Variants in PLD5 observed in about 807,000 individuals in gnomAD.
PLD5 encodes the protein inactive phospholipase D5.
PLD5 carries 36 observed loss-of-function variants against 61.1 expected under a neutral mutation model. The ratio of observed to expected loss-of-function variants is 0.59; its 90% CI spans 0.45 to 0.78. PLD5 has a LOEUF of 0.78. Among genes scored for constraint, PLD5 ranks in the 30% least tolerant of loss-of-function variants. PLD5 has a pLI of 0.00. For synonymous variants in PLD5, 243 were observed against 242.8 expected, an observed-to-expected ratio of 1.00 and a Z score of -0.01; for missense variants, 515 against 644.4, an observed-to-expected ratio of 0.80 and a Z score of 2.17.
rs748922601 is a variant in PLD5, at chr1:242,173,943, C to A, written c.735+46045G>T. On this transcript the variant is annotated intron_variant, in intron 5 of 9. Transcript: ENST00000536534. ...AATGTTAGATCTAAAACCATAAAAACCCTAGAAGAAAACCTAGGTAATACC... is the reference window on the plus strand; with the variant it reads ...AATGTTAGATCTAAAACCATAAAAAACCTAGAAGAAAACCTAGGTAATACC... 8.2e-4 allele frequency among the ~76,000 whole-genome samples: 125 copies of A among 152,144 alleles called. 1 individual carries two copies. The highest frequency in any genetic ancestry group is 1.5e-3 in the Non-Finnish European group (104 of 68,026).
At chr1:242,329,811 C>T (rs1243837944) in intron 2 of PLD5, among the ~76,000 whole-genome samples, 3 of 152,112 alleles carry the variant, frequency 2.0e-5, no homozygotes, top group Non-Finnish European at 2.9e-5. Context: ...TATGCTATCT[C>T]GACTAATCCC....
At chr1:242,459,421 A>G (rs1280891436) in intron 1 of PLD5, among the ~76,000 whole-genome samples, 3 of 152,138 alleles carry the variant, frequency 2.0e-5, no homozygotes, top group African/African-American at 7.2e-5. Context: ...CTTTGGGAGG[A>G]TCCACTATCG....
At chr1:242,519,216 G>A (rs1045064896) in intron 1 of PLD5, among the ~76,000 whole-genome samples, 3 of 152,272 alleles carry the variant, frequency 2.0e-5, no homozygotes, top group Admixed American at 6.5e-5. Context: ...GATCTGCTCC[G>A]TGGGACAAAA....
intron 2 of PLD5, among the ~76,000 whole-genome samples, chr1:242,313,492 G>A (rs1331520735): frequency 6.6e-6 from 1 of 152,212 alleles, no homozygotes; most frequent in African/African-American, 2.4e-5. Context: ...GTGGCATTAT[G>A]AGAAAGTTAC....
At chr1:242,498,179 A>G (rs543530542) in intron 1 of PLD5, among the ~76,000 whole-genome samples, 25 of 152,250 alleles carry the variant, frequency 1.6e-4, no homozygotes, top group East Asian at 3.9e-4. Flanking sequence ...TGATCAGGCT[A>G]GCCTCGAACT....
In PLD5 at chr1:242,090,122, C is replaced by T. The variant is rs1451546345; in HGVS notation, c.1355-12G>A. ...CCAATCAAAATTTCCTGCAAACAAA[C>T]AAAGAAATAATGTTGAGGAGTTAGA... On this transcript the variant is annotated splice_polypyrimidine_tract_variant and intron_variant, in intron 9 of 9. Transcript: ENST00000536534. 1.2e-6 allele frequency: 2 copies of T among 1,612,526 alleles called. No homozygotes were observed. The highest frequency in any genetic ancestry group is 1.7e-6 in the Non-Finnish European group (2 of 1,179,394).
chr1:242,515,221 A>T (rs6689323), intron 1 of PLD5, among the ~76,000 whole-genome samples: 2,800 of 136,356 alleles, frequency 0.021, 24 homozygotes, highest in South Asian at 0.043. Context: ...TGTGTGTGTG[A>T]GAGAGAGAGA....
intron 5 of PLD5, among the ~76,000 whole-genome samples, chr1:242,152,182 G>T (rs2148819641): frequency 6.6e-6 from 1 of 152,054 alleles, no homozygotes; most frequent in South Asian, 2.1e-4. Context: ...CTGGGTTCTA[G>T]AGGCTGCTCA....
chr1:242,108,582 A>G (rs1302446570), intron 7 of PLD5, among the ~76,000 whole-genome samples: 2 of 152,212 alleles, frequency 1.3e-5, no homozygotes, highest in East Asian at 1.9e-4. Context: ...CCGGCCCCCA[A>G]CACACACTGT....
At chr1:242,494,105 C>CCTCTCCTCCG (rs1668279498) in intron 1 of PLD5, among the ~76,000 whole-genome samples, 1 of 129,780 alleles carries the variant, frequency 7.7e-6, no homozygotes, top group Admixed American at 7.7e-5. Context: ...CCTCTCCTCC[C>CCTCTCCTCCG]CTCTCCTCCC....
chr1:242,434,803 C>T (rs772109838), intron 1 of PLD5, among the ~76,000 whole-genome samples: 2 of 152,016 alleles, frequency 1.3e-5, no homozygotes, highest in African/African-American at 4.8e-5. Flanking sequence ...TTAGTAGAGA[C>T]GGGGTTTCAC....
At chr1:242,195,234 A>G (rs1668563408) in intron 5 of PLD5, among the ~76,000 whole-genome samples, 2 of 152,322 alleles carry the variant, frequency 1.3e-5, no homozygotes, top group South Asian at 4.1e-4. Context: ...GCCGTGGTAC[A>G]GGACACTGTC....
At chr1:242,190,286 C>A (rs111763738) in intron 5 of PLD5, among the ~76,000 whole-genome samples, 4,062 of 151,782 alleles carry the variant, frequency 0.027, 195 homozygotes, top group African/African-American at 0.092. Flanking sequence ...GCCGGGACTA[C>A]AGGCACCTGC....
At chr1:242,467,712 G>A (rs905427899) in intron 1 of PLD5, among the ~76,000 whole-genome samples, 2 of 152,194 alleles carry the variant, frequency 1.3e-5, no homozygotes, top group African/African-American at 4.8e-5. Flanking sequence ...CACAATCATT[G>A]AAGTTACCAT....
chr1:242,252,493 G>C (rs1672759736), intron 4 of PLD5, among the ~76,000 whole-genome samples: 1 of 152,142 alleles, frequency 6.6e-6, no homozygotes, highest in Non-Finnish European at 1.5e-5. Flanking sequence ...TGGGAGGATG[G>C]CTTGAGCCCA....
At chr1:242,231,420 G>A (rs2149037228) in intron 4 of PLD5, among the ~76,000 whole-genome samples, 1 of 152,294 alleles carries the variant, frequency 6.6e-6, no homozygotes, top group South Asian at 2.1e-4. Context: ...GAGGAGCTTT[G>A]CTTTCTTGGA....
At chr1:242,286,199 A>C (rs1675012716) in intron 3 of PLD5, among the ~76,000 whole-genome samples, 1 of 152,214 alleles carries the variant, frequency 6.6e-6, no homozygotes, top group Admixed American at 6.5e-5. Flanking sequence ...TTTGGCTTGC[A>C]TGTTTCCAAA....
intron 2 of PLD5, among the ~76,000 whole-genome samples, chr1:242,297,398 C>A (rs1675737060): frequency 1.2e-5 from 1 of 84,638 alleles, no homozygotes; most frequent in East Asian, 4.0e-4. Flanking sequence ...TATCACCCTT[C>A]AAGACTTTTT....
At chr1:242,382,054 G>A (rs1477408516) in intron 1 of PLD5, among the ~76,000 whole-genome samples, 5 of 151,566 alleles carry the variant, frequency 3.3e-5, no homozygotes, top group Non-Finnish European at 5.9e-5. Flanking sequence ...TTTGGGGTGG[G>A]TGAGAGGGAA....
Sources: allele counts gnomAD v4.1 joint callset (sites outside exome capture counted in the v4.1 genomes callset), GRCh38; gene constraint gnomAD v4.1.1; transcripts MANE v1.5; gene names NCBI Gene and HGNC (gene_info 2026-07-23, HGNC 2026-07-21).